CLMN: variants seen among roughly 807,000 people sequenced by gnomAD.
CLMN encodes the protein calmin.
In CLMN, 57 loss-of-function variants were observed where a neutral mutation model predicts 92.7. That is an observed-to-expected ratio of 0.61 (90% CI 0.50 to 0.77). The LOEUF is 0.77. Ranked by LOEUF, CLMN falls within the 30% of genes least tolerant of loss-of-function variation. The probability of loss-of-function intolerance (pLI) is 0.00; values close to 1 mark genes in which losing one functional copy is unlikely to be tolerated. For synonymous variants in CLMN, 466 were observed against 470.6 expected, an observed-to-expected ratio of 0.99 and a Z score of 0.13; for missense variants, 1,158 against 1,237.5, an observed-to-expected ratio of 0.94 and a Z score of 0.96.
chr14:95,209,542 G>A (rs901456275), intron 7 of CLMN, 65 bp from the exon 8 acceptor site: 1 of 1,251,914 alleles, frequency 8.0e-7, no homozygotes. Context: ...AGTATTCCCG[G>A]ATGCCTGATG....
chr14:95,249,011 A>G (rs181761132), intron 1 of CLMN, among the ~76,000 whole-genome samples: 2 of 152,208 alleles, frequency 1.3e-5, no homozygotes, highest in African/African-American at 4.8e-5. Context: ...TCTTTGTACA[A>G]AATGAGTGGG....
intron 1 of CLMN, among the ~76,000 whole-genome samples, chr14:95,277,368 A>C (rs754501861): frequency 6.6e-6 from 1 of 152,206 alleles, no homozygotes; most frequent in African/African-American, 2.4e-5. Context: ...AAACTGGATG[A>C]GGTTTCCCTC....
At chr14:95,302,642 G>A (rs1261066211) in intron 1 of CLMN, among the ~76,000 whole-genome samples, 1 of 152,058 alleles carries the variant, frequency 6.6e-6, no homozygotes, top group Non-Finnish European at 1.5e-5. Context: ...AAAAACAAAA[G>A]TTGATTCATA....
At chr14:95,285,792 G>A (rs1900318996) in intron 1 of CLMN, among the ~76,000 whole-genome samples, 1 of 152,216 alleles carries the variant, frequency 6.6e-6, no homozygotes. Context: ...ACTGGGATAT[G>A]TGGATAAGGT....
chr14:95,198,000 A>G (rs1170198902), intron 9 of CLMN, among the ~76,000 whole-genome samples: 1 of 130,706 alleles, frequency 7.7e-6, no homozygotes, highest in Non-Finnish European at 1.7e-5. Flanking sequence ...AAAACTTGCC[A>G]TTTTCTAGTC....
rs567792767 is a variant in CLMN at position 95,203,878 on chromosome 14, C to A, written c.1471G>T (p.Gly491Cys). 6.2e-7 allele frequency: 1 copy of A among 1,614,142 alleles called. No homozygotes were observed. Among genetic ancestry groups the A allele is most frequent in the Non-Finnish European group, 8.5e-7 (1 of 1,180,020 alleles). The change falls in exon 9 of 13, where the codon GGT becomes TGT. Residue 491 changes from glycine to cysteine, a missense_variant. Transcript: ENST00000298912. Reference protein sequence around the residue: ...IPESSSDKVAGDIFLVEGTNN... With the variant: ...IPESSSDKVACDIFLVEGTNN... Reference sequence around the variant, plus strand: ...GTGCCCTCCACCAAAAAAATGTCACCAGCGACCTTGTCAGAGGAGGATTCT... The same window carrying A: ...GTGCCCTCCACCAAAAAAATGTCACAAGCGACCTTGTCAGAGGAGGATTCT...
In CLMN at chr14:95,259,578, T is replaced by C. The variant is rs975878126; in HGVS notation, c.83-29445A>G. On this transcript the variant is annotated intron_variant, in intron 1 of 12. Coordinates refer to ENST00000298912, the MANE Select transcript of CLMN (RefSeq NM_024734.4). The surrounding 1 kb of genome is among the most constrained non-coding windows in gnomAD (Gnocchi z 4.3). ...GCAGGCCAGGGAAACGAGATCTTGA[T>C]CTGTTTGGGAATCCTGTTTTTGTGC... Among the ~76,000 whole-genome samples the C allele has an allele frequency of 1.3e-5, 2 of 152,054 alleles. No homozygotes were observed. Among genetic ancestry groups the C allele is most frequent in the Non-Finnish European group, 2.9e-5 (2 of 67,988 alleles).
At chr14:95,311,024 G>A (rs1901513260) in intron 1 of CLMN, among the ~76,000 whole-genome samples, 2 of 152,186 alleles carry the variant, frequency 1.3e-5, no homozygotes, top group Middle Eastern at 3.2e-3. Context: ...AGGCAGCATA[G>A]ACAGTGGTTG....
At chr14:95,229,780 T>C (rs1897824740) in intron 2 of CLMN, among the ~76,000 whole-genome samples, 1 of 152,084 alleles carries the variant, frequency 6.6e-6, no homozygotes, top group African/African-American at 2.4e-5. Context: ...TTTCAGGTGT[T>C]GGTGTGTTCA....
At chr14:95,196,189 C>T (rs917273061) in intron 10 of CLMN, among the ~76,000 whole-genome samples, 7 of 152,292 alleles carry the variant, frequency 4.6e-5, no homozygotes, top group African/African-American at 1.7e-4. Flanking sequence ...CCAAGTCTAC[C>T]GCGTTCACCC....
intron 1 of CLMN, among the ~76,000 whole-genome samples, chr14:95,308,484 C>G (rs564792877): frequency 2.0e-5 from 3 of 152,318 alleles, no homozygotes; most frequent in Admixed American, 2.0e-4. Context: ...CCAGGCTTAC[C>G]TCTGATTCCT....
chr14:95,249,278 T>C (rs760291260), intron 1 of CLMN, among the ~76,000 whole-genome samples: 62 of 152,228 alleles, frequency 4.1e-4, no homozygotes, highest in South Asian at 2.1e-4. Flanking sequence ...TTGCTTCCTC[T>C]TCATCACTGC....
chr14:95,260,324 C>T (rs367780315), intron 1 of CLMN, among the ~76,000 whole-genome samples: 1 of 152,018 alleles, frequency 6.6e-6, no homozygotes, highest in Non-Finnish European at 1.5e-5. Context: ...CGCCTGTAGT[C>T]GCAGCTACTC....
rs776220694 is a variant in CLMN, at chr14:95,203,025, T to C, written c.2324A>G (p.Asp775Gly). The change falls in exon 9 of 13, where the codon GAT (aspartate) becomes GGT (glycine). Residue 775 changes from aspartate to glycine, a missense_variant. By Grantham distance (94) the Asp-to-Gly change is moderately conservative. Transcript: ENST00000298912. ...PDLDSREEEA[D>G]GSQSSSSSSV... is the part of the protein sequence containing the mutation. ...GGAACTGGAGCTGCTCTGAGAGCCA[T>C]CGGCCTCCTCCTCCCTGGAGTCCAG... The C allele has an allele frequency of 5.0e-6, 8 of 1,614,120 alleles. No homozygotes were observed. The highest frequency in any genetic ancestry group is 2.2e-5 in the East Asian group (1 of 44,870).
rs1269077071 is a variant in CLMN, at chr14:95,190,856, T to C, written c.*708A>G. On this transcript the variant is annotated 3_prime_UTR_variant, in exon 13 of 13. Coordinates refer to ENST00000298912, the MANE Select transcript of CLMN (RefSeq NM_024734.4). The stretch of plus-strand genomic sequence containing the variant: ...CATGGTTCTATCTCAATCCAATCAA[T>C]GGAAAACTGAATTTCAAGTGTTATC... The C allele has an allele frequency of 6.6e-6, 1 of 151,968 alleles. No homozygotes were observed. Among genetic ancestry groups the C allele is most frequent in the East Asian group, 1.9e-4 (1 of 5,156 alleles). The allele number at this position is 151,968 out of a possible 1,614,324, so 9.4% of individuals were successfully genotyped here.
intron 1 of CLMN, among the ~76,000 whole-genome samples, chr14:95,262,692 G>A (rs8022957): frequency 0.13 from 19,086 of 152,074 alleles, 1,729 homozygotes; most frequent in African/African-American, 0.25. Flanking sequence ...TCAGCCTTCC[G>A]AGTAGCTGGG....
At chr14:95,199,634 G>C (rs888016048) in intron 9 of CLMN, among the ~76,000 whole-genome samples, 1 of 152,192 alleles carries the variant, frequency 6.6e-6, no homozygotes, top group Admixed American at 6.5e-5. Flanking sequence ...TCTCGGGAGA[G>C]AAAAACAAAG....
In CLMN at chr14:95,213,342, C is replaced by A. The variant is rs1255429781; in HGVS notation, c.485G>T (p.Gly162Val). ...PSSSLSPGSG[G>V]TDSDSSFPPT... ...TGGGAAGGATGAGTCTGAGTCTGTG[C>A]CCCCTGAGCCAGGGGACAAGCTGGA... Residue 162 changes from glycine (G) to valine (V), a missense_variant, in exon 6 of 13, where the codon GGC becomes GTC. Transcript: ENST00000298912. The A allele has an allele frequency of 6.2e-7, 1 of 1,613,298 alleles. No homozygotes were observed. Among genetic ancestry groups the A allele is most frequent in the Admixed American group, 1.7e-5 (1 of 59,848 alleles).
intron 1 of CLMN, among the ~76,000 whole-genome samples, chr14:95,295,017 G>T (rs1283070943): frequency 2.0e-5 from 3 of 152,218 alleles, no homozygotes; most frequent in African/African-American, 7.2e-5. Context: ...GCTCCCTGCT[G>T]CTGGGAGCCA....
Sources: allele counts gnomAD v4.1 joint callset (sites outside exome capture counted in the v4.1 genomes callset), GRCh38; gene constraint gnomAD v4.1.1; non-coding constraint Gnocchi (gnomAD v3.1); transcripts MANE v1.5; gene names NCBI Gene and HGNC (gene_info 2026-07-23, HGNC 2026-07-21).